The following PPP2R1B variants were observed in gnomAD, a reference collection of about 807,000 sequenced individuals.
The protein encoded by PPP2R1B is serine/threonine-protein phosphatase 2A 65 kDa regulatory subunit A beta isoform.
PPP2R1B carries 58 observed loss-of-function variants against 72.7 expected under a neutral mutation model. That is an observed-to-expected ratio of 0.80 (90% CI 0.65 to 0.99). The LOEUF (loss-of-function observed/expected upper bound fraction) is 0.99, where lower values mean the gene tolerates loss of function less well. Among genes scored for constraint, PPP2R1B ranks in the 50% least tolerant of loss-of-function variants. PPP2R1B has a pLI of 0.00. For synonymous variants in PPP2R1B, 256 were observed against 264.6 expected (o/e 0.97, Z 0.32); for missense variants, 695 against 733.6 (o/e 0.95, Z 0.61).
chr11:111,701,412 G>A, the PPP2R1B span: 14 of 1,596,980 alleles, frequency 8.8e-6, no homozygotes, highest in Admixed American at 1.0e-4. This position sits in a 1 kb window ranked among gnomAD's most constrained non-coding sequence, Gnocchi z 4.2. Flanking sequence ...AGTGTTTGAC[G>A]TTCTTGGTAG....
At chr11:111,698,767 T>C in the PPP2R1B span, among the ~76,000 whole-genome samples, 1 of 152,218 alleles carries the variant, frequency 6.6e-6, no homozygotes, top group Non-Finnish European at 1.5e-5. Flanking sequence ...GAGAGTATCC[T>C]CAATTTACAG....
At position 111,740,899 on chromosome 11, in the gene PPP2R1B, C is replaced by T. The variant is rs1393234995; in HGVS notation, c.*697G>A. The T allele has an allele frequency of 1.0e-6, 1 of 985,312 alleles. No homozygotes were observed. The highest frequency in any genetic ancestry group is 1.2e-6 in the Non-Finnish European group (1 of 829,950). 61.0% of individuals were successfully genotyped at this position (985,312 alleles called of 1,614,324 possible). On this transcript the variant is annotated 3_prime_UTR_variant, in exon 15 of 15. Transcript: ENST00000527614. ...AGAGAAGTATTTTTAAATGTAGGCA[C>T]AGTGGTGAGCTGTTCAAATTCAGTT...
chr11:111,732,563 C>CATAT (rs1944228132), intron 15 of PPP2R1B, among the ~76,000 whole-genome samples: 3 of 152,150 alleles, frequency 2.0e-5, no homozygotes, highest in African/African-American at 7.2e-5. Context: ...TGGTGGCGGG[C>CATAT]GCCTGTAATC....
chr11:111,766,042 A>ACGG, intron 1 of PPP2R1B: 3 of 607,830 alleles, frequency 4.9e-6, no homozygotes, highest in Non-Finnish European at 8.8e-6. Context: ...AGGGGGTCCG[A>ACGG]AGCAAGGTTA....
the PPP2R1B span, among the ~76,000 whole-genome samples, chr11:111,699,755 T>C: frequency 6.6e-6 from 1 of 152,228 alleles, no homozygotes; most frequent in Non-Finnish European, 1.5e-5. Flanking sequence ...TTTTAACACA[T>C]TGGGCCTTTA....
chr11:111,759,206 G>A (rs1945235300), intron 5 of PPP2R1B, among the ~76,000 whole-genome samples: 1 of 152,166 alleles, frequency 6.6e-6, no homozygotes, highest in African/African-American at 2.4e-5. Flanking sequence ...GTTTTCTAAT[G>A]TGTAAAATGG....
intron 15 of PPP2R1B, chr11:111,730,420 C>G (rs1944148110): frequency 1.3e-5 from 2 of 152,160 alleles, no homozygotes; most frequent in South Asian, 4.1e-4. Context: ...GTTTGCTTCA[C>G]TTCGGGGACT....
intron 15 of PPP2R1B, chr11:111,730,143 ACT>A (rs1361484786): frequency 6.6e-6 from 1 of 152,168 alleles, no homozygotes; most frequent in Non-Finnish European, 1.5e-5. Context: ...TTGACTTAAT[ACT>A]CTGTCTTTTC....
At chr11:111,729,144 T>C (rs913173594) in intron 15 of PPP2R1B, 2 of 152,182 alleles carry the variant, frequency 1.3e-5, no homozygotes, top group African/African-American at 2.4e-5. Flanking sequence ...ATTTTACCAT[T>C]TTTGTCCTAA....
intron 3 of PPP2R1B, among the ~76,000 whole-genome samples, chr11:111,762,556 T>TC (rs1555051692): frequency 6.7e-6 from 1 of 150,158 alleles, no homozygotes; most frequent in African/African-American, 2.4e-5. Context: ...AGCAGTTCTT[T>TC]TTTTTTTTTT....
intron 9 of PPP2R1B, 88 bp downstream of exon 9, chr11:111,753,355 T>G: frequency 6.8e-7 from 1 of 1,475,684 alleles, no homozygotes; most frequent in Non-Finnish European, 9.2e-7. Context: ...ATTTTCTTTT[T>G]GGGGGTTCTA....
chr11:111,697,322 A>G, the PPP2R1B span, among the ~76,000 whole-genome samples: 1 of 152,210 alleles, frequency 6.6e-6, no homozygotes, highest in African/African-American at 2.4e-5. Context: ...CATCTAGCAG[A>G]TCTTTATCGA....
In PPP2R1B at chr11:111,742,110, T is replaced by A. The variant is rs1944544188; in HGVS notation, c.1732A>T (p.Lys578Ter). ...TCCATGTCTTCATCTTGACCTAACTTCTGTAGTACTGGCTTCACTTCTCCC... is the reference window on the plus strand; with the variant it reads ...TCCATGTCTTCATCTTGACCTAACTACTGTAGTACTGGCTTCACTTCTCCC... ...LQGEVKPVLQ[K>*]LGQDEDMDVK... Residue 578 changes from lysine to a stop codon, truncating the protein, a stop_gained, in exon 14 of 15, where the codon AAG (lysine) becomes TAG (stop). Coordinates refer to ENST00000527614, the MANE Select transcript of PPP2R1B (RefSeq NM_002716.5). LOFTEE classifies it high-confidence loss of function. 1 of 1,613,744 alleles carries A rather than the reference T, an allele frequency of 6.2e-7. No homozygotes were observed. Among genetic ancestry groups the A allele is most frequent in the Non-Finnish European group, 8.5e-7 (1 of 1,179,818 alleles).
At chr11:111,741,715 C>A (rs1944526931) in intron 14 of PPP2R1B, 103 bp from the exon 15 acceptor site, 1 of 1,265,444 alleles carries the variant, frequency 7.9e-7, no homozygotes, top group African/African-American at 1.5e-5. Flanking sequence ...ATCAAACTAA[C>A]AACTTCTCAC....
the PPP2R1B span, among the ~76,000 whole-genome samples, chr11:111,690,192 G>A: frequency 6.6e-6 from 1 of 150,954 alleles, no homozygotes; most frequent in African/African-American, 2.4e-5. Context: ...CTTCTGTGAG[G>A]AACTTCACTG....
At chr11:111,698,513 G>T in the PPP2R1B span, among the ~76,000 whole-genome samples, 4 of 152,196 alleles carry the variant, frequency 2.6e-5, no homozygotes, top group Admixed American at 6.5e-5. Flanking sequence ...AGGCCACAGC[G>T]GGTGGATTGC....
At chr11:111,688,171 G>A in the PPP2R1B span, 1 of 1,613,968 alleles carries the variant, frequency 6.2e-7, no homozygotes, top group African/African-American at 1.3e-5. This position sits in a 1 kb window ranked among gnomAD's most constrained non-coding sequence, Gnocchi z 4.2. Context: ...AGGTAACTGG[G>A]ACACAACTGG....
chr11:111,699,324 C>T, the PPP2R1B span, among the ~76,000 whole-genome samples: 4 of 152,172 alleles, frequency 2.6e-5, no homozygotes, highest in Admixed American at 6.5e-5. Context: ...ACTTTTTCTA[C>T]CCCTCCTATC....
intron 12 of PPP2R1B, among the ~76,000 whole-genome samples, chr11:111,742,880 CTTT>C (rs932934728): frequency 1.5e-4 from 22 of 149,848 alleles, no homozygotes; most frequent in African/African-American, 5.1e-4. Context: ...TAGTTTTGTT[CTTT>C]GTTTTTTTTT....
Sources: gnomAD v4.1 joint callset for allele counts (sites outside exome capture counted in the v4.1 genomes callset) on GRCh38, gnomAD v4.1.1 for gene constraint, Gnocchi (gnomAD v3.1) non-coding constraint, MANE v1.5 for transcripts, NCBI Gene and HGNC (gene_info 2026-07-23, HGNC 2026-07-21) for gene names.